The following ROS1 variants were observed in gnomAD, a reference collection of about 807,000 sequenced individuals.
The protein encoded by ROS1 is proto-oncogene tyrosine-protein kinase ROS.
In ROS1, 263 loss-of-function variants were observed where a neutral mutation model predicts 273.5. The ratio of observed to expected loss-of-function variants is 0.96; its 90% CI spans 0.87 to 1.06. The LOEUF (loss-of-function observed/expected upper bound fraction) is 1.06, where lower values mean the gene tolerates loss of function less well. Ranked by LOEUF, ROS1 falls within the 50% of genes least tolerant of loss-of-function variation. ROS1 has a pLI of 0.00. For synonymous variants in ROS1, 1,008 were observed against 954.1 expected, an observed-to-expected ratio of 1.06 and a Z score of -1.04; for missense variants, 2,833 against 2,751.1, an observed-to-expected ratio of 1.03 and a Z score of -0.67.
intron 29 of ROS1, 60 bp downstream of exon 29, chr6:117,342,340 T>C: frequency 2.8e-6 from 4 of 1,453,676 alleles, no homozygotes; most frequent in South Asian, 2.5e-5. Flanking sequence ...AACATCAACA[T>C]ACACAGCACA....
At chr6:117,357,466 A>T (rs923453426) in intron 25 of ROS1, among the ~76,000 whole-genome samples, 3 of 152,242 alleles carry the variant, frequency 2.0e-5, no homozygotes, top group Non-Finnish European at 2.9e-5. Context: ...CATGCTGCCC[A>T]TCTGTTCCTG....
At chr6:117,407,734 C>G (rs1314748679) in intron 5 of ROS1, among the ~76,000 whole-genome samples, 2 of 152,016 alleles carry the variant, frequency 1.3e-5, no homozygotes, top group Non-Finnish European at 2.9e-5. Context: ...CACATGGAAC[C>G]AAAAAAATGC....
chr6:117,359,433 T>C (rs73768046), intron 24 of ROS1, among the ~76,000 whole-genome samples: 37,229 of 152,072 alleles, frequency 0.24, 4,716 homozygotes, highest in Admixed American at 0.36. Flanking sequence ...ATCTAGTAAG[T>C]AGTAGAGCCC....
intron 27 of ROS1, among the ~76,000 whole-genome samples, chr6:117,350,729 A>G (rs1168523884): frequency 8.6e-6 from 1 of 116,616 alleles, no homozygotes; most frequent in South Asian, 2.5e-4. Context: ...GCAGGTTTCT[A>G]CTGAGATATT....
chr6:117,382,022 C>G (rs1772197231), intron 17 of ROS1, among the ~76,000 whole-genome samples: 1 of 152,116 alleles, frequency 6.6e-6, no homozygotes, highest in African/African-American at 2.4e-5. Flanking sequence ...CATATCAGAA[C>G]ACTGGGAAGA....
At chr6:117,418,786 CTGTGGCA>C (rs933615572) in intron 1 of ROS1, among the ~76,000 whole-genome samples, 2 of 152,048 alleles carry the variant, frequency 1.3e-5, no homozygotes, top group Non-Finnish European at 2.9e-5. Flanking sequence ...TTAAATAATC[CTGTGGCA>C]TTGGTCAGTT....
intron 32 of ROS1, among the ~76,000 whole-genome samples, chr6:117,335,176 G>T (rs9481702): frequency 2.0e-5 from 3 of 151,986 alleles, no homozygotes; most frequent in Non-Finnish European, 4.4e-5. Context: ...CAAAAAGTGG[G>T]CAAAAGATAT....
intron 35 of ROS1, 43 bp downstream of exon 35, chr6:117,324,285 TTAAG>T: frequency 1.2e-6 from 1 of 863,992 alleles, no homozygotes; most frequent in South Asian, 1.5e-5. Context: ...TCAGGTATGA[TTAAG>T]TAAACAGTTT....
intron 1 of ROS1, among the ~76,000 whole-genome samples, chr6:117,420,254 C>T (rs898740252): frequency 9.9e-5 from 15 of 151,794 alleles, no homozygotes; most frequent in Non-Finnish European, 2.2e-4. Flanking sequence ...ACATTAGGAT[C>T]CCCGCTGGTT....
Position 117,344,250 on chromosome 6 carries a change from A to T in ROS1, c.4316T>A (p.Leu1439Gln). 6.2e-7 allele frequency: 1 copy of T among 1,613,390 alleles called. No homozygotes were observed. The highest frequency in any genetic ancestry group is 1.3e-5 in the African/African-American group (1 of 75,032). ...TTCCACAGTGTCTGAAGCTAGAGAC[A>T]GAAACGCTTTATCTAAAATAAGAAG... ...VMQPFPDKAF[L>Q]SLASDTVEPT... Residue 1439 changes from leucine to glutamine, a missense_variant, in exon 28 of 44, where the codon CTG (leucine) becomes CAG (glutamine). Physicochemically the swap from Leu to Gln is moderately radical, Grantham distance 113. Transcript: ENST00000368507.
chr6:117,423,022 ATTC>A (rs1246075733), intron 1 of ROS1, among the ~76,000 whole-genome samples: 306 of 151,694 alleles, frequency 2.0e-3, no homozygotes, highest in African/African-American at 7.3e-3. Context: ...TGATTTGTTA[ATTC>A]AAAAAAAAAA....
intron 32 of ROS1, among the ~76,000 whole-genome samples, chr6:117,335,867 G>A (rs1023950711): frequency 3.3e-5 from 5 of 151,182 alleles, no homozygotes; most frequent in Non-Finnish European, 5.9e-5. Flanking sequence ...GGAACTTAGA[G>A]GACAGGTCAA....
chr6:117,347,837 C>T (rs1001681123), intron 27 of ROS1, among the ~76,000 whole-genome samples: 1 of 151,982 alleles, frequency 6.6e-6, no homozygotes, highest in Non-Finnish European at 1.5e-5. Flanking sequence ...CCTGATTTTT[C>T]CTCTTTAGTC....
At chr6:117,360,086 C>A in intron 23 of ROS1, 75 bp from the exon 24 acceptor site, 1 of 1,252,628 alleles carries the variant, frequency 8.0e-7, no homozygotes, top group South Asian at 1.4e-5. Flanking sequence ...GATTTAATAT[C>A]TGGCAGTTTT....
chr6:117,329,625 A>G (rs1776909116), intron 32 of ROS1, among the ~76,000 whole-genome samples, 179 bp from the exon 33 acceptor site: 1 of 152,252 alleles, frequency 6.6e-6, no homozygotes, highest in South Asian at 2.1e-4. Context: ...AAAAACCATA[A>G]TAAGTGTGTG....
intron 12 of ROS1, among the ~76,000 whole-genome samples, chr6:117,392,156 A>G (rs953419768): frequency 6.6e-6 from 1 of 152,218 alleles, no homozygotes; most frequent in Non-Finnish European, 1.5e-5. Context: ...AAACAGTAAG[A>G]TCCAGAGAAT....
intron 31 of ROS1, among the ~76,000 whole-genome samples, chr6:117,338,518 AG>A (rs1431232330): frequency 6.6e-6 from 1 of 150,390 alleles, no homozygotes; most frequent in Non-Finnish European, 1.5e-5. Flanking sequence ...AACCTCAGAG[AG>A]AGAGAAATTA....
At chr6:117,340,114 A>G (rs1422601777) in intron 31 of ROS1, among the ~76,000 whole-genome samples, 1 of 152,134 alleles carries the variant, frequency 6.6e-6, no homozygotes, top group Non-Finnish European at 1.5e-5. Flanking sequence ...TTTAAAAGGC[A>G]CTCCTCCAAT....
At chr6:117,298,999 A>G (rs1302782893) in intron 43 of ROS1, among the ~76,000 whole-genome samples, 2 of 49,752 alleles carry the variant, frequency 4.0e-5, no homozygotes, top group Non-Finnish European at 8.6e-5. Flanking sequence ...ATAGGCAAGT[A>G]TATATATAGA....
Sources: gnomAD v4.1 joint callset for allele counts (sites outside exome capture counted in the v4.1 genomes callset) on GRCh38, gnomAD v4.1.1 for gene constraint, MANE v1.5 for transcripts, NCBI Gene and HGNC (gene_info 2026-07-23, HGNC 2026-07-21) for gene names.